The following LRBA variants were observed in gnomAD, a reference collection of about 807,000 sequenced individuals.
LRBA encodes lipopolysaccharide-responsive and beige-like anchor protein.
Under a neutral mutation model 330.0 loss-of-function variants are expected in LRBA, and 176 were observed. That is an observed-to-expected ratio of 0.53 (90% CI 0.47 to 0.60). The LOEUF (loss-of-function observed/expected upper bound fraction) is 0.60. LRBA is among the 20% of genes least tolerant of loss of function. The pLI is 0.00. For missense variants in LRBA, 3,259 were observed against 3,444.8 expected (o/e 0.95, Z 1.35); for synonymous variants, 1,230 against 1,193.0 (o/e 1.03, Z -0.64).
chr4:150,745,873 A>G (rs760256831), intron 35 of LRBA, among the ~76,000 whole-genome samples: 2 of 152,054 alleles, frequency 1.3e-5, no homozygotes, highest in Non-Finnish European at 2.9e-5. Flanking sequence ...TCTATCACTT[A>G]GTTTTCAAGA....
At chr4:150,299,753 A>G (rs1031724576) in intron 53 of LRBA, among the ~76,000 whole-genome samples, 1 of 152,160 alleles carries the variant, frequency 6.6e-6, no homozygotes, top group Middle Eastern at 3.4e-3. Context: ...TATAAAATGC[A>G]GAAAAAGCAA....
chr4:150,727,762 A>G (rs1424170189), intron 36 of LRBA, among the ~76,000 whole-genome samples: 4 of 152,132 alleles, frequency 2.6e-5, no homozygotes, highest in Non-Finnish European at 5.9e-5. Flanking sequence ...TGTCAAAAAA[A>G]AAGAAAATCT....
intron 35 of LRBA, among the ~76,000 whole-genome samples, chr4:150,760,450 T>C (rs1168524890): frequency 6.6e-6 from 1 of 152,044 alleles, no homozygotes; most frequent in African/African-American, 2.4e-5. Flanking sequence ...CCGCCAGTTA[T>C]CTTTCCAAAC....
chr4:150,834,654 A>C (rs1473416865), intron 28 of LRBA, among the ~76,000 whole-genome samples: 1 of 152,162 alleles, frequency 6.6e-6, no homozygotes, highest in Non-Finnish European at 1.5e-5. Flanking sequence ...AATAATTCTT[A>C]AGGGTCCGAG....
At chr4:150,662,614 G>A (rs1035096851) in intron 37 of LRBA, among the ~76,000 whole-genome samples, 2 of 152,210 alleles carry the variant, frequency 1.3e-5, no homozygotes, top group African/African-American at 4.8e-5. Flanking sequence ...GGCAAAAAGA[G>A]TGAAAGTGTA....
intron 36 of LRBA, among the ~76,000 whole-genome samples, chr4:150,722,441 C>T (rs1488448193): frequency 1.3e-5 from 2 of 151,818 alleles, no homozygotes; most frequent in South Asian, 4.2e-4. Flanking sequence ...AAATAAAGAA[C>T]AAATACTCAA....
At chr4:150,590,981 T>G (rs948881291) in intron 38 of LRBA, 122 bp from the exon 39 acceptor site, 16 of 780,248 alleles carry the variant, frequency 2.1e-5, no homozygotes, top group Non-Finnish European at 3.2e-5. Flanking sequence ...CAGTGTCAGC[T>G]ACAGTGGAGA....
intron 38 of LRBA, among the ~76,000 whole-genome samples, chr4:150,597,396 C>G (rs1314302178): frequency 2.6e-5 from 4 of 151,674 alleles, no homozygotes; most frequent in Non-Finnish European, 5.9e-5. Context: ...TTAATAAATT[C>G]TATATTAAAT....
At chr4:150,302,482 T>C in intron 53 of LRBA, 143 bp downstream of exon 53, 1 of 446,780 alleles carries the variant, frequency 2.2e-6, no homozygotes, top group Non-Finnish European at 3.8e-6. Flanking sequence ...AATGAGGCTA[T>C]TTGGATCATT....
intron 48 of LRBA, among the ~76,000 whole-genome samples, chr4:150,347,511 T>C (rs1736540124): frequency 6.6e-6 from 1 of 152,044 alleles, no homozygotes; most frequent in South Asian, 2.1e-4. Flanking sequence ...CCAGGCGTGG[T>C]GGCAGGCACC....
intron 20 of LRBA, among the ~76,000 whole-genome samples, chr4:150,869,467 T>A (rs976738680): frequency 2.0e-5 from 3 of 151,992 alleles, no homozygotes; most frequent in African/African-American, 7.2e-5. Flanking sequence ...GGCAGTTGGA[T>A]AATTTGAGGT....
At chr4:150,512,994 A>G (rs1328941927) in intron 40 of LRBA, among the ~76,000 whole-genome samples, 1 of 152,236 alleles carries the variant, frequency 6.6e-6, no homozygotes, top group Non-Finnish European at 1.5e-5. Context: ...AGGCTATGTT[A>G]AGTATAGGTA....
intron 37 of LRBA, among the ~76,000 whole-genome samples, chr4:150,653,229 A>G (rs1367092030): frequency 6.6e-6 from 1 of 152,184 alleles, no homozygotes; most frequent in Non-Finnish European, 1.5e-5. Flanking sequence ...TACAGTACAT[A>G]TAGAAAAATG....
At chr4:150,587,921 T>C (rs768710183) in intron 40 of LRBA, 127 bp downstream of exon 40, 3 of 931,044 alleles carry the variant, frequency 3.2e-6, no homozygotes, top group Non-Finnish European at 4.7e-6. Context: ...GATAATGACA[T>C]TGCATATAAG....
At chr4:150,949,846 C>G (rs1388799241) in intron 2 of LRBA, among the ~76,000 whole-genome samples, 1 of 151,116 alleles carries the variant, frequency 6.6e-6, no homozygotes, top group Non-Finnish European at 1.5e-5. Context: ...CCTACTCCAG[C>G]CAAAAAAAAA....
intron 2 of LRBA, among the ~76,000 whole-genome samples, chr4:150,966,311 C>CT (rs1178356221): frequency 0.013 from 1,913 of 142,222 alleles, 15 homozygotes; most frequent in Non-Finnish European, 0.019. Context: ...CTAGTTCATT[C>CT]TTTTTTTTTT....
intron 47 of LRBA, among the ~76,000 whole-genome samples, chr4:150,413,002 T>C (rs1747230930): frequency 6.6e-6 from 1 of 151,838 alleles, no homozygotes; most frequent in Non-Finnish European, 1.5e-5. Context: ...AAAGATCTCT[T>C]ACAATTCACT....
chr4:150,860,531 C>T (rs1019453112), intron 22 of LRBA, among the ~76,000 whole-genome samples: 5 of 152,034 alleles, frequency 3.3e-5, no homozygotes, highest in African/African-American at 4.8e-5. Flanking sequence ...AGTCACTGGA[C>T]TAAAGAAACA....
intron 42 of LRBA, among the ~76,000 whole-genome samples, chr4:150,475,728 C>CA (rs1402959194): frequency 2.0e-5 from 3 of 148,796 alleles, no homozygotes; most frequent in African/African-American, 7.5e-5. Flanking sequence ...GACCCTATCT[C>CA]TATAAAAAAA....
Sources: allele counts gnomAD v4.1 joint callset (sites outside exome capture counted in the v4.1 genomes callset), GRCh38; gene constraint gnomAD v4.1.1; transcripts MANE v1.5; gene names NCBI Gene and HGNC (gene_info 2026-07-23, HGNC 2026-07-21).